The following SUPT3H variants were observed in gnomAD, a reference collection of about 807,000 sequenced individuals.
SUPT3H encodes the protein transcription initiation protein SPT3 homolog.
SUPT3H carries 44 observed loss-of-function variants against 44.3 expected under a neutral mutation model. The observed-to-expected ratio is 0.99, with a 90% confidence interval of 0.78 to 1.28. The LOEUF is 1.28. Among genes scored for constraint, SUPT3H ranks in the 50% most tolerant of loss-of-function variants. SUPT3H has a pLI of 0.00. For synonymous variants in SUPT3H, 124 were observed against 125.6 expected, an observed-to-expected ratio of 0.99 and a Z score of 0.09; for missense variants, 380 against 387.1, an observed-to-expected ratio of 0.98 and a Z score of 0.15.
chr6:45,197,097 A>G (rs1318367541), intron 2 of SUPT3H, among the ~76,000 whole-genome samples: 1 of 151,716 alleles, frequency 6.6e-6, no homozygotes, highest in African/African-American at 2.4e-5. Flanking sequence ...TAATTCTTCA[A>G]TACTCATTTC....
At chr6:45,030,693 T>C (rs1786780605) in intron 3 of SUPT3H, among the ~76,000 whole-genome samples, 1 of 152,166 alleles carries the variant, frequency 6.6e-6, no homozygotes, top group African/African-American at 2.4e-5. Context: ...AAGAATAAAG[T>C]CCTGCTTTAG....
intron 3 of SUPT3H, among the ~76,000 whole-genome samples, chr6:45,020,922 C>T (rs1785042244): frequency 1.3e-5 from 2 of 151,780 alleles, no homozygotes; most frequent in Non-Finnish European, 2.9e-5. Flanking sequence ...ATTAATGCAC[C>T]TGAAAATGAT....
intron 11 of SUPT3H, among the ~76,000 whole-genome samples, chr6:44,816,559 T>A (rs914987007): frequency 1.4e-5 from 2 of 139,080 alleles, no homozygotes; most frequent in East Asian, 3.9e-4. Flanking sequence ...TCTACGGAAT[T>A]TTAACAACAA....
rs542122660 is a variant in SUPT3H, at chr6:44,999,280, C to T, written c.504+4373G>A. Reference sequence around the variant, plus strand: ...ATGGTTGAATAGTGTTTCGGTTTTTCGTTTTTAACAGACAAGGTCTTGCTA... The same window carrying T: ...ATGGTTGAATAGTGTTTCGGTTTTTTGTTTTTAACAGACAAGGTCTTGCTA... On this transcript the variant is annotated intron_variant, in intron 6 of 10. Transcript: ENST00000371459. Among the ~76,000 whole-genome samples the T allele has an allele frequency of 7.9e-5, 12 of 151,978 alleles. No homozygotes were observed. In the East Asian group the frequency reaches 1.4e-3, roughly 17 times the overall value.
At chr6:44,943,541 T>C (rs1772804909) in intron 9 of SUPT3H, among the ~76,000 whole-genome samples, 1 of 152,120 alleles carries the variant, frequency 6.6e-6, no homozygotes, top group Non-Finnish European at 1.5e-5. Flanking sequence ...GATTCAAGAA[T>C]TTTGGTGAAT....
At chr6:45,374,308 A>G (rs959157469) in intron 1 of SUPT3H, among the ~76,000 whole-genome samples, 1 of 152,236 alleles carries the variant, frequency 6.6e-6, no homozygotes, top group African/African-American at 2.4e-5. Context: ...AGGCTACAGC[A>G]GCTAACAGTT....
intron 10 of SUPT3H, among the ~76,000 whole-genome samples, chr6:44,909,660 G>C (rs1317603477): frequency 6.6e-6 from 1 of 151,976 alleles, no homozygotes; most frequent in South Asian, 2.1e-4. Flanking sequence ...CACCATGCAG[G>C]GGCCTGTTTT....
intron 2 of SUPT3H, among the ~76,000 whole-genome samples, chr6:45,200,439 C>T (rs1424331480): frequency 6.6e-6 from 1 of 151,322 alleles, no homozygotes; most frequent in Non-Finnish European, 1.5e-5. Flanking sequence ...AAGTATATCC[C>T]ATTTTGATGC....
intron 2 of SUPT3H, among the ~76,000 whole-genome samples, chr6:45,360,391 T>C (rs180677248): frequency 1.5e-3 from 227 of 152,314 alleles, no homozygotes; most frequent in African/African-American, 5.2e-3. Context: ...CCCTTGGAAT[T>C]ACAGTATGTT....
intron 2 of SUPT3H, among the ~76,000 whole-genome samples, chr6:45,106,258 T>C (rs1449099907): frequency 6.6e-6 from 1 of 151,898 alleles, no homozygotes; most frequent in Non-Finnish European, 1.5e-5. Flanking sequence ...ATGGTGAAAC[T>C]CCGCCTCTAC....
rs372318075 is a variant in SUPT3H, at chr6:44,987,930, A to G, written c.504+15723T>C. ...TTAAATAATCATTAAGTACCACGGGAGAATGGGTACACTAGGGAATGTTCT... is the reference window on the plus strand; with the variant it reads ...TTAAATAATCATTAAGTACCACGGGGGAATGGGTACACTAGGGAATGTTCT... On this transcript the variant is annotated intron_variant, in intron 6 of 10. Coordinates refer to ENST00000371459, the MANE Select transcript of SUPT3H (RefSeq NM_003599.4). 1.2e-4 allele frequency among the ~76,000 whole-genome samples: 19 copies of G among 152,244 alleles called. No homozygotes were observed. In the East Asian group the frequency reaches 3.1e-3, roughly 25 times the overall value.
In SUPT3H at chr6:45,249,253, T is replaced by C. The variant is rs557737705; in HGVS notation, c.101+115948A>G. On this transcript the variant is annotated intron_variant, in intron 2 of 10. Coordinates refer to ENST00000371459, the MANE Select transcript of SUPT3H (RefSeq NM_003599.4). The stretch of plus-strand genomic sequence containing the variant: ...ATTTACTTAGCATTATTCTTTTATT[T>C]TGCTTATAGTTTCTCTGTATTGCAT... Among the ~76,000 whole-genome samples, 3 of 152,328 alleles carry C rather than the reference T, an allele frequency of 2.0e-5. No homozygotes were observed. The South Asian group carries it at 6.2e-4, about 32-fold the overall frequency.
chr6:45,033,573 T>C (rs991257644), intron 3 of SUPT3H, among the ~76,000 whole-genome samples: 2 of 152,170 alleles, frequency 1.3e-5, no homozygotes, highest in Non-Finnish European at 2.9e-5. Flanking sequence ...ATTATGACTA[T>C]CACTATGAAA....
chr6:45,102,372 A>G (rs1485805653), intron 3 of SUPT3H, among the ~76,000 whole-genome samples: 1 of 152,144 alleles, frequency 6.6e-6, no homozygotes, highest in Non-Finnish European at 1.5e-5. Context: ...AGCAATAAGA[A>G]TTAACGAGAG....
At position 45,340,643 on chromosome 6, in the gene SUPT3H, G is replaced by GA. The variant is rs776564679; in HGVS notation, c.101+24557dup. 1.4e-4 allele frequency among the ~76,000 whole-genome samples: 21 copies of GA among 149,560 alleles called. 1 individual carries two copies. The highest frequency in any genetic ancestry group is 4.4e-4 in the African/African-American group (18 of 40,760). ...CTGGCCTTTAGGTCGAGTTTGATCAGAAAAAAAAAGTTTCAAGGAATTAGA... is the reference window on the plus strand; with the variant it reads ...CTGGCCTTTAGGTCGAGTTTGATCAGAAAAAAAAAAGTTTCAAGGAATTAGA... On this transcript the variant is annotated intron_variant, in intron 2 of 10. Transcript: ENST00000371459.
intron 10 of SUPT3H, among the ~76,000 whole-genome samples, chr6:44,927,721 A>T (rs940820935): frequency 6.6e-5 from 10 of 152,248 alleles, no homozygotes; most frequent in African/African-American, 2.4e-4. Flanking sequence ...AAGAGTAAAA[A>T]TGAATATTTT....
At chr6:45,287,971 AG>A (rs952092894) in intron 2 of SUPT3H, among the ~76,000 whole-genome samples, 1 of 152,232 alleles carries the variant, frequency 6.6e-6, no homozygotes, top group African/African-American at 2.4e-5. Context: ...TCTGTAGCTG[AG>A]AACAGCTAAT....
chr6:45,158,298 A>ATATATATATATATATATTTTT, intron 2 of SUPT3H, among the ~76,000 whole-genome samples: 2 of 99,692 alleles, frequency 2.0e-5, no homozygotes, highest in African/African-American at 1.0e-4. Flanking sequence ...ATATATATAT[A>ATATATATATATATATATTTTT]TTTTTTTTTT....
chr6:45,119,050 T>C (rs1412307841), intron 2 of SUPT3H, among the ~76,000 whole-genome samples: 1 of 152,112 alleles, frequency 6.6e-6, no homozygotes, highest in African/African-American at 2.4e-5. Flanking sequence ...GACCCTCAGA[T>C]AGATAACAGA....
Sources: allele counts gnomAD v4.1 joint callset (sites outside exome capture counted in the v4.1 genomes callset), GRCh38; gene constraint gnomAD v4.1.1; transcripts MANE v1.5; gene names NCBI Gene and HGNC (gene_info 2026-07-23, HGNC 2026-07-21).